Variants in TBC1D14 observed in about 807,000 individuals in gnomAD.
The protein encoded by TBC1D14 is TBC1 domain family member 14.
In TBC1D14, 26 loss-of-function variants were observed where a neutral mutation model predicts 79.0. The observed-to-expected ratio is 0.33, with a 90% CI of 0.24 to 0.46. TBC1D14 has a LOEUF of 0.46. Among genes scored for constraint, TBC1D14 ranks in the 20% least tolerant of loss-of-function variants. The probability of loss-of-function intolerance (pLI) is 1.00; values close to 1 mark genes in which losing one functional copy is unlikely to be tolerated. For synonymous variants in TBC1D14, 394 were observed against 349.9 expected (o/e 1.13, Z -1.40); for missense variants, 769 against 887.6 (o/e 0.87, Z 1.70).
intron 12 of TBC1D14, among the ~76,000 whole-genome samples, chr4:7,016,752 G>A (rs185819089): frequency 6.6e-6 from 1 of 152,324 alleles, no homozygotes; most frequent in East Asian, 1.9e-4. Flanking sequence ...AAAAATGCTG[G>A]TGATAATCTG....
rs896666744 is a variant in TBC1D14 at position 7,030,740 on chromosome 4, G to C, written c.*348G>C. 4 of 191,516 alleles carry C rather than the reference G, an allele frequency of 2.1e-5. No homozygotes were observed. The highest frequency in any genetic ancestry group is 2.3e-3 in the Middle Eastern group (1 of 434). 11.9% of individuals were successfully genotyped at this position (191,516 alleles called of 1,614,324 possible). ...GTCAACTACTGGGAAGTATGTTACAGTCTTAGCCAGGATGCATGAGAGATG... is the reference window on the plus strand; with the variant it reads ...GTCAACTACTGGGAAGTATGTTACACTCTTAGCCAGGATGCATGAGAGATG... On this transcript the variant is annotated 3_prime_UTR_variant, in exon 14 of 14. Coordinates refer to ENST00000409757, the MANE Select transcript of TBC1D14 (RefSeq NM_020773.3).
intron 3 of TBC1D14, among the ~76,000 whole-genome samples, chr4:6,968,181 GCTCAGTAGACA>G (rs1241884110): frequency 1.3e-5 from 2 of 152,116 alleles, no homozygotes; most frequent in Admixed American, 6.5e-5. Flanking sequence ...ATTGACATTT[GCTCAGTAGACA>G]CTCTTGAGGC....
At chr4:6,941,534 C>T (rs1233001043) in intron 2 of TBC1D14, among the ~76,000 whole-genome samples, 1 of 152,168 alleles carries the variant, frequency 6.6e-6, no homozygotes, top group East Asian at 1.9e-4. Flanking sequence ...CTGACATCGT[C>T]TTCCTGTGGG....
chr4:7,023,984 G>A (rs2109311548), intron 12 of TBC1D14, among the ~76,000 whole-genome samples: 1 of 152,322 alleles, frequency 6.6e-6, no homozygotes, highest in Middle Eastern at 3.4e-3. Flanking sequence ...ATGAGGGACA[G>A]CCTGGAACAT....
At chr4:6,985,032 A>G (rs1181813727) in intron 3 of TBC1D14, among the ~76,000 whole-genome samples, 1 of 152,206 alleles carries the variant, frequency 6.6e-6, no homozygotes, top group East Asian at 1.9e-4. Context: ...GGGCAATTTA[A>G]TGTGTTAATG....
At chr4:7,008,343 A>G (rs906703224) in intron 9 of TBC1D14, among the ~76,000 whole-genome samples, 3 of 152,224 alleles carry the variant, frequency 2.0e-5, no homozygotes, top group African/African-American at 7.2e-5. Flanking sequence ...GATTGAGTTT[A>G]CTAAAAGAAA....
intron 7 of TBC1D14, among the ~76,000 whole-genome samples, chr4:7,001,791 C>T (rs1400972356): frequency 2.0e-5 from 3 of 152,180 alleles, no homozygotes; most frequent in African/African-American, 7.2e-5. Context: ...CTCCCTCAGG[C>T]TGAATTCACT....
At chr4:6,963,407 C>T (rs959616041) in intron 2 of TBC1D14, among the ~76,000 whole-genome samples, 7 of 152,234 alleles carry the variant, frequency 4.6e-5, no homozygotes, top group African/African-American at 9.6e-5. Flanking sequence ...GTCTCCCTGT[C>T]GGGCAGACAG....
chr4:7,018,763 G>GTCTTCCTACAGAGTTT (rs1029249500), intron 12 of TBC1D14, among the ~76,000 whole-genome samples: 26 of 152,304 alleles, frequency 1.7e-4, no homozygotes, highest in African/African-American at 5.5e-4. Context: ...AGCTGTCTCC[G>GTCTTCCTACAGAGTTT]TCTTCCTACA....
chr4:7,014,933 A>G (rs953586185), intron 12 of TBC1D14, among the ~76,000 whole-genome samples: 3 of 152,222 alleles, frequency 2.0e-5, no homozygotes, highest in East Asian at 1.9e-4. Context: ...GACACTGTCC[A>G]CGTGAGATGA....
chr4:6,953,552 A>C (rs1396667451), intron 2 of TBC1D14, among the ~76,000 whole-genome samples: 10 of 134,366 alleles, frequency 7.4e-5, no homozygotes, highest in Admixed American at 1.7e-4. Context: ...AATGGCGTGA[A>C]CCCCAGGGGG....
intron 2 of TBC1D14, among the ~76,000 whole-genome samples, chr4:6,960,758 G>A (rs1715117348): frequency 6.6e-6 from 1 of 152,236 alleles, no homozygotes; most frequent in Non-Finnish European, 1.5e-5. Context: ...GGTGAGGGGT[G>A]TTGGAGCCTC....
At chr4:6,971,173 CTTTTTGT>C in intron 3 of TBC1D14, among the ~76,000 whole-genome samples, 1 of 152,364 alleles carries the variant, frequency 6.6e-6, no homozygotes, top group African/African-American at 2.4e-5. Flanking sequence ...GGCTTCACCA[CTTTTTGT>C]CTCTGTTGAG....
At chr4:6,958,586 C>A (rs1223475102) in intron 2 of TBC1D14, among the ~76,000 whole-genome samples, 1 of 152,072 alleles carries the variant, frequency 6.6e-6, no homozygotes, top group Non-Finnish European at 1.5e-5. Flanking sequence ...TGCACTACCA[C>A]GCCTGGCTTA....
At chr4:6,958,680 C>A (rs1034831662) in intron 2 of TBC1D14, among the ~76,000 whole-genome samples, 17 of 152,286 alleles carry the variant, frequency 1.1e-4, no homozygotes, top group Non-Finnish European at 2.2e-4. Flanking sequence ...AGCGATCCAC[C>A]CACCTTGGCC....
chr4:6,988,063 C>G (rs1028054035), intron 3 of TBC1D14, among the ~76,000 whole-genome samples: 1 of 152,160 alleles, frequency 6.6e-6, no homozygotes, highest in Non-Finnish European at 1.5e-5. Flanking sequence ...AGGGGTTAGC[C>G]GGGGCTGCCT....
At chr4:6,988,402 G>C (rs1718104332) in intron 3 of TBC1D14, among the ~76,000 whole-genome samples, 1 of 152,250 alleles carries the variant, frequency 6.6e-6, no homozygotes, top group Admixed American at 6.5e-5. Context: ...TGAGGAAACA[G>C]GCTTGTGGAT....
At chr4:6,978,924 G>T (rs1717104391) in intron 3 of TBC1D14, among the ~76,000 whole-genome samples, 1 of 152,098 alleles carries the variant, frequency 6.6e-6, no homozygotes, top group Non-Finnish European at 1.5e-5. Flanking sequence ...AAGCAAAAAT[G>T]ATAATGTCTG....
chr4:7,007,373 C>T, intron 9 of TBC1D14: 1 of 403,464 alleles, frequency 2.5e-6, no homozygotes, highest in Non-Finnish European at 4.5e-6. Context: ...GAGCTGAACT[C>T]TTTAAAGACC....
Sources: allele counts gnomAD v4.1 joint callset (sites outside exome capture counted in the v4.1 genomes callset), GRCh38; gene constraint gnomAD v4.1.1; transcripts MANE v1.5; gene names NCBI Gene and HGNC (gene_info 2026-07-23, HGNC 2026-07-21).